KCNIP4: variants seen among roughly 807,000 people sequenced by gnomAD.
KCNIP4 encodes the protein Kv channel-interacting protein 4.
Under a neutral mutation model 34.0 loss-of-function variants are expected in KCNIP4, and 12 were observed. The observed-to-expected ratio is 0.35, with a 90% CI of 0.23 to 0.57. The LOEUF (loss-of-function observed/expected upper bound fraction) is 0.57. KCNIP4 is among the 20% of genes least tolerant of loss of function. KCNIP4 has a pLI of 0.83. For missense variants in KCNIP4, 238 were observed against 311.7 expected (o/e 0.76, Z 1.78); for synonymous variants, 124 against 102.2 (o/e 1.21, Z -1.29).
intron 1 of KCNIP4, among the ~76,000 whole-genome samples, chr4:21,147,433 C>G (rs1337289551): frequency 6.6e-6 from 1 of 152,126 alleles, no homozygotes; most frequent in Non-Finnish European, 1.5e-5. Context: ...TCCGTATCTT[C>G]CTGACTTGGA....
chr4:21,353,131 C>T lies in KCNIP4; in HGVS notation c.62-470422G>A, dbSNP rs139941347. On this transcript the variant is annotated intron_variant, in intron 1 of 8. Coordinates refer to ENST00000382152, the MANE Select transcript of KCNIP4 (RefSeq NM_025221.6). ...AACAAAAAGGACATCCAACCAAAACCCCATCTGTAGGTCACCAACATCAAG... is the reference window on the plus strand; with the variant it reads ...AACAAAAAGGACATCCAACCAAAACTCCATCTGTAGGTCACCAACATCAAG... 4.3e-3 allele frequency among the ~76,000 whole-genome samples: 655 copies of T among 152,156 alleles called. 5 individuals are homozygous for T. Among genetic ancestry groups the T allele is most frequent in the African/African-American group, 0.014 (602 of 41,534 alleles).
chr4:21,775,912 C>A (rs1043381863), intron 1 of KCNIP4, among the ~76,000 whole-genome samples: 1 of 152,174 alleles, frequency 6.6e-6, no homozygotes, highest in African/African-American at 2.4e-5. Flanking sequence ...CTGGCTGATG[C>A]CCCTCCCCTA....
chr4:20,787,021 T>C (rs1362627547), intron 3 of KCNIP4, among the ~76,000 whole-genome samples: 3 of 152,168 alleles, frequency 2.0e-5, no homozygotes, highest in Non-Finnish European at 4.4e-5. Context: ...TTTGAGGCGA[T>C]TATTCTTAGT....
At chr4:21,380,440 G>GAGGGAGGGA (rs1553873161) in intron 1 of KCNIP4, among the ~76,000 whole-genome samples, 1 of 122,714 alleles carries the variant, frequency 8.1e-6, no homozygotes, top group African/African-American at 3.2e-5. Flanking sequence ...TGAGGGAGAG[G>GAGGGAGGGA]GAGGGAGAGG....
At chr4:21,552,959 T>C (rs568393380) in intron 1 of KCNIP4, among the ~76,000 whole-genome samples, 5 of 152,192 alleles carry the variant, frequency 3.3e-5, no homozygotes, top group Middle Eastern at 3.4e-3. Flanking sequence ...CACATCCTAC[T>C]CAGCTGTCCA....
intron 5 of KCNIP4, among the ~76,000 whole-genome samples, chr4:20,742,514 G>T (rs1320337186): frequency 6.6e-6 from 1 of 152,072 alleles, no homozygotes; most frequent in African/African-American, 2.4e-5. Context: ...ACAATATTCA[G>T]CAGCCCTTCA....
intron 1 of KCNIP4, among the ~76,000 whole-genome samples, chr4:20,959,473 A>G (rs1197129358): frequency 1.3e-5 from 2 of 152,234 alleles, no homozygotes; most frequent in Admixed American, 6.5e-5. Flanking sequence ...AATTGTTGAA[A>G]GCTAGTATAT....
intron 1 of KCNIP4, among the ~76,000 whole-genome samples, chr4:21,138,375 C>A (rs376703854): frequency 6.6e-6 from 1 of 152,100 alleles, no homozygotes; most frequent in African/African-American, 2.4e-5. Context: ...TTTTCAAACA[C>A]AAATATGCTT....
intron 1 of KCNIP4, among the ~76,000 whole-genome samples, chr4:21,385,222 T>C (rs1426164407): frequency 6.6e-6 from 1 of 152,168 alleles, no homozygotes; most frequent in East Asian, 1.9e-4. Context: ...AATATTGTTC[T>C]GGTTAAAGGG....
At chr4:21,709,698 C>T (rs558407515) in intron 1 of KCNIP4, among the ~76,000 whole-genome samples, 3 of 152,128 alleles carry the variant, frequency 2.0e-5, no homozygotes, top group South Asian at 2.1e-4. Context: ...TTGATGTGCT[C>T]AGTAAAAAAG....
At chr4:21,709,559 T>C (rs1257345132) in intron 1 of KCNIP4, among the ~76,000 whole-genome samples, 1 of 152,200 alleles carries the variant, frequency 6.6e-6, no homozygotes, top group Non-Finnish European at 1.5e-5. Flanking sequence ...TATTTCTTTA[T>C]CATAAACAGA....
At chr4:21,332,029 C>G (rs1202607712) in intron 1 of KCNIP4, among the ~76,000 whole-genome samples, 2 of 151,990 alleles carry the variant, frequency 1.3e-5, no homozygotes, top group African/African-American at 4.8e-5. Flanking sequence ...AAGTCAACAT[C>G]CAGCAGTTTA....
chr4:21,908,427 T>C (rs1728116502), intron 1 of KCNIP4, among the ~76,000 whole-genome samples: 2 of 152,194 alleles, frequency 1.3e-5, no homozygotes, highest in Admixed American at 1.3e-4. Context: ...TCCCCTGTGA[T>C]GGCTTCCTAT....
At chr4:21,196,606 G>T (rs1290843237) in intron 1 of KCNIP4, among the ~76,000 whole-genome samples, 5 of 152,158 alleles carry the variant, frequency 3.3e-5, no homozygotes, top group Admixed American at 3.3e-4. Flanking sequence ...AGAATGTTCT[G>T]ACACTTGGTT....
At chr4:21,596,333 CT>C (rs1434692666) in intron 1 of KCNIP4, among the ~76,000 whole-genome samples, 1 of 152,130 alleles carries the variant, frequency 6.6e-6, no homozygotes, top group African/African-American at 2.4e-5. Context: ...ATTAATGCTT[CT>C]TGTAACATAC....
intron 1 of KCNIP4, among the ~76,000 whole-genome samples, chr4:21,312,627 G>C (rs762251044): frequency 1.3e-5 from 2 of 152,152 alleles, no homozygotes; most frequent in African/African-American, 4.8e-5. Context: ...TAAAAGTAAG[G>C]CATTTTAAAC....
rs115013448 is a variant in KCNIP4, at chr4:21,264,069, G to A, written c.62-381360C>T. Among the ~76,000 whole-genome samples, 232 of 136,002 alleles carry A rather than the reference G, an allele frequency of 1.7e-3. 1 individual carries two copies. Among genetic ancestry groups the A allele is most frequent in the African/African-American group, 5.9e-3 (215 of 36,616 alleles). 89.2% of individuals were successfully genotyped at this position (136,002 alleles called of 152,430 possible). On this transcript the variant is annotated intron_variant, in intron 1 of 8. Coordinates refer to ENST00000382152, the MANE Select transcript of KCNIP4 (RefSeq NM_025221.6). ...TGAAGGCTCTATTGAATCCAAGTCT[G>A]ACTGCAAAGCTCATGTTCTTAAACC...
rs377048555 is a variant in KCNIP4, at chr4:21,492,571, T to G, written c.61+456000A>C. ...ATTATTGGCTGTTTTGCCAAGATTTTGTTTTGTTAGTTCACAGTGTTGAGT... is the reference window on the plus strand; with the variant it reads ...ATTATTGGCTGTTTTGCCAAGATTTGGTTTTGTTAGTTCACAGTGTTGAGT... On this transcript the variant is annotated intron_variant, in intron 1 of 8. Transcript: ENST00000382152. Among the ~76,000 whole-genome samples the G allele has an allele frequency of 2.5e-3, 383 of 152,312 alleles. 13 individuals are homozygous for G. The South Asian group carries it at 0.045, about 18-fold the overall frequency.
chr4:21,909,909 C>T (rs1044744753), intron 1 of KCNIP4, among the ~76,000 whole-genome samples: 2 of 152,076 alleles, frequency 1.3e-5, no homozygotes, highest in Non-Finnish European at 2.9e-5. Flanking sequence ...ATGGGGGAAA[C>T]TGCCCCCATG....
Sources: allele counts gnomAD v4.1 joint callset (sites outside exome capture counted in the v4.1 genomes callset), GRCh38; gene constraint gnomAD v4.1.1; transcripts MANE v1.5; gene names NCBI Gene and HGNC (gene_info 2026-07-23, HGNC 2026-07-21).